PLCB1: variants seen among roughly 807,000 people sequenced by gnomAD.
PLCB1 encodes 1-phosphatidylinositol 4,5-bisphosphate phosphodiesterase beta-1.
In PLCB1, 46 loss-of-function variants were observed where a neutral mutation model predicts 161.8. The ratio of observed to expected loss-of-function variants is 0.28; its 90% CI spans 0.22 to 0.36. The LOEUF (loss-of-function observed/expected upper bound fraction) is 0.36. PLCB1 is among the 10% of genes least tolerant of loss of function. The probability of loss-of-function intolerance (pLI) is 1.00; values close to 1 mark genes in which losing one functional copy is unlikely to be tolerated. For missense variants in PLCB1, 1,016 were observed against 1,472.5 expected (o/e 0.69, Z 5.07); for synonymous variants, 517 against 503.7 (o/e 1.03, Z -0.35).
At chr20:8,699,363 G>A (rs1990650444) in intron 11 of PLCB1, among the ~76,000 whole-genome samples, 1 of 152,214 alleles carries the variant, frequency 6.6e-6, no homozygotes, top group Admixed American at 6.5e-5. Context: ...ATATCACCAA[G>A]GTTAGTGACG....
At chr20:8,476,763 C>A (rs1982298456) in intron 3 of PLCB1, among the ~76,000 whole-genome samples, 1 of 152,008 alleles carries the variant, frequency 6.6e-6, no homozygotes, top group Non-Finnish European at 1.5e-5. Flanking sequence ...AATAGACGGG[C>A]CTTGGAATAT....
At chr20:8,283,610 G>A (rs1026880697) in intron 2 of PLCB1, among the ~76,000 whole-genome samples, 107 of 151,340 alleles carry the variant, frequency 7.1e-4, no homozygotes, top group Admixed American at 6.8e-3. Flanking sequence ...AGTTCTCTAA[G>A]ATATGTAACT....
intron 3 of PLCB1, among the ~76,000 whole-genome samples, chr20:8,452,731 G>T (rs372573053): frequency 7.9e-4 from 120 of 152,316 alleles, no homozygotes; most frequent in African/African-American, 2.8e-3. Context: ...GAGAAGAAAT[G>T]ATATTTGATT....
intron 3 of PLCB1, among the ~76,000 whole-genome samples, chr20:8,435,429 C>T (rs555727513): frequency 6.6e-6 from 1 of 152,236 alleles, no homozygotes; most frequent in Admixed American, 6.5e-5. Flanking sequence ...GGAGATTATC[C>T]TGGGTGAGCC....
chr20:8,815,353 C>A (rs1017223836), intron 31 of PLCB1, among the ~76,000 whole-genome samples: 4 of 152,190 alleles, frequency 2.6e-5, no homozygotes, highest in Admixed American at 2.6e-4. Flanking sequence ...CTGGCAATAT[C>A]TGGTGTTCAG....
Position 8,543,645 on chromosome 20 carries a change from C to T in PLCB1, c.247-84649C>T, listed in dbSNP as rs377308475. ...CAAAAAAAAAAAAAAACCTGTTGGACACATCTGATACGGTTTGGCTGTGCC... is the reference window on the plus strand; with the variant it reads ...CAAAAAAAAAAAAAAACCTGTTGGATACATCTGATACGGTTTGGCTGTGCC... On this transcript the variant is annotated intron_variant, in intron 3 of 31. Transcript: ENST00000338037. Among the ~76,000 whole-genome samples the T allele has an allele frequency of 8.1e-5, 11 of 135,070 alleles. No homozygotes were observed. In the East Asian group the frequency reaches 1.8e-3, roughly 22 times the overall value. 88.6% of individuals were successfully genotyped at this position (135,070 alleles called of 152,430 possible).
chr20:8,348,203 T>C (rs530829186), intron 2 of PLCB1, among the ~76,000 whole-genome samples: 8 of 152,312 alleles, frequency 5.3e-5, no homozygotes, highest in African/African-American at 9.6e-5. Flanking sequence ...GGAGAATTAT[T>C]CAATCAGTGA....
chr20:8,822,419 G>A (rs1221840139), intron 31 of PLCB1, among the ~76,000 whole-genome samples: 1 of 152,164 alleles, frequency 6.6e-6, no homozygotes, highest in African/African-American at 2.4e-5. Flanking sequence ...CAGGCCTCCA[G>A]GTGCCTAAGA....
chr20:8,297,476 G>A (rs979818641), intron 2 of PLCB1, among the ~76,000 whole-genome samples: 6 of 152,074 alleles, frequency 3.9e-5, no homozygotes, highest in South Asian at 2.1e-4. Context: ...AGTAGTATAT[G>A]AAAAAGCCAC....
At chr20:8,441,199 T>C (rs1238942372) in intron 3 of PLCB1, among the ~76,000 whole-genome samples, 1 of 152,134 alleles carries the variant, frequency 6.6e-6, no homozygotes, top group Non-Finnish European at 1.5e-5. Flanking sequence ...CCAAGTAAAG[T>C]AGTAACATTG....
At chr20:8,256,361 G>A (rs1981414072) in intron 2 of PLCB1, among the ~76,000 whole-genome samples, 2 of 152,112 alleles carry the variant, frequency 1.3e-5, no homozygotes, top group Non-Finnish European at 2.9e-5. Context: ...GGTTCTGAGA[G>A]TCTTTTGGCT....
chr20:8,203,314 A>G (rs2045273018), intron 2 of PLCB1, among the ~76,000 whole-genome samples: 1 of 152,078 alleles, frequency 6.6e-6, no homozygotes, highest in Non-Finnish European at 1.5e-5. Flanking sequence ...CAAAGATGAT[A>G]TGGAAGGGTC....
intron 2 of PLCB1, among the ~76,000 whole-genome samples, chr20:8,198,111 T>C (rs1227650506): frequency 2.6e-5 from 4 of 152,158 alleles, no homozygotes; most frequent in Non-Finnish European, 5.9e-5. Context: ...CCAGCTTTGT[T>C]CTTTTGGCTT....
intron 2 of PLCB1, among the ~76,000 whole-genome samples, chr20:8,168,429 T>C (rs1444638454): frequency 6.6e-6 from 1 of 152,160 alleles, no homozygotes; most frequent in African/African-American, 2.4e-5. Context: ...ATGCCCAATA[T>C]TAGAGCACTT....
chr20:8,865,286 G>A (rs6086665), intron 31 of PLCB1, among the ~76,000 whole-genome samples: 42,441 of 151,794 alleles, frequency 0.28, 7,222 homozygotes, highest in East Asian at 0.65. Context: ...AAGATTTATA[G>A]TTAGGATTAT....
At chr20:8,271,763 A>G (rs1982296168) in intron 2 of PLCB1, among the ~76,000 whole-genome samples, 2 of 152,156 alleles carry the variant, frequency 1.3e-5, no homozygotes, top group South Asian at 4.1e-4. Context: ...AATAAAATTA[A>G]TATTCATGTA....
At chr20:8,754,009 C>T (rs1449833224) in intron 23 of PLCB1, among the ~76,000 whole-genome samples, 1 of 152,182 alleles carries the variant, frequency 6.6e-6, no homozygotes, top group Non-Finnish European at 1.5e-5. Context: ...GGAGACATCA[C>T]CAGGTGTGAC....
rs1208456204 is a variant in PLCB1, at chr20:8,132,811, G to T, written c.99+61G>T. 5 of 1,207,998 alleles carry T rather than the reference G, an allele frequency of 4.1e-6. No individual in the cohort carries two copies. The Admixed American group carries it at 7.4e-5, about 18-fold the overall frequency. 74.8% of individuals were successfully genotyped at this position (1,207,998 alleles called of 1,614,324 possible). ...TCGGGCACCGGGCAGGGCGGGCGTC[G>T]TGGGGGTGGGGCAAGGGGCGCGTTA... On this transcript the variant is annotated intron_variant, in intron 1 of 31. Transcript: ENST00000338037. The surrounding 1 kb of genome is among the most constrained non-coding windows in gnomAD (Gnocchi z 5.2).
At chr20:8,651,896 A>C (rs1467877658) in intron 7 of PLCB1, 1 of 175,322 alleles carries the variant, frequency 5.7e-6, no homozygotes, top group African/African-American at 2.4e-5. Context: ...AAGCATAAAG[A>C]GAAAACATGA....
Sources: allele counts gnomAD v4.1 joint callset (sites outside exome capture counted in the v4.1 genomes callset), GRCh38; gene constraint gnomAD v4.1.1; non-coding constraint Gnocchi (gnomAD v3.1); transcripts MANE v1.5; gene names NCBI Gene and HGNC (gene_info 2026-07-23, HGNC 2026-07-21).